The following ANGPT1 variants were observed in gnomAD, a reference collection of about 807,000 sequenced individuals.
The protein encoded by ANGPT1 is angiopoietin 1.
ANGPT1 carries 17 observed loss-of-function variants against 62.2 expected under a neutral mutation model. The ratio of observed to expected loss-of-function variants is 0.27; its 90% CI spans 0.19 to 0.41. The LOEUF (loss-of-function observed/expected upper bound fraction) is 0.41. Among genes scored for constraint, ANGPT1 ranks in the 10% least tolerant of loss-of-function variants. The probability of loss-of-function intolerance (pLI) is 1.00; values close to 1 mark genes in which losing one functional copy is unlikely to be tolerated. For synonymous variants in ANGPT1, 199 were observed against 198.9 expected (o/e 1.00, Z 0.00); for missense variants, 478 against 594.9 (o/e 0.80, Z 2.04).
At chr8:107,453,763 G>C (rs1008812046) in intron 1 of ANGPT1, among the ~76,000 whole-genome samples, 1 of 151,958 alleles carries the variant, frequency 6.6e-6, no homozygotes, top group Admixed American at 6.6e-5. Flanking sequence ...ATGCTCAACA[G>C]TAGATGATTG....
At chr8:107,422,528 T>C (rs1381339211) in intron 1 of ANGPT1, among the ~76,000 whole-genome samples, 1 of 152,170 alleles carries the variant, frequency 6.6e-6, no homozygotes, top group African/African-American at 2.4e-5. Context: ...CTGATACTAA[T>C]CTTGTTTCCT....
Position 107,336,199 on chromosome 8 carries a change from G to A in ANGPT1, c.526C>T (p.Gln176Ter). The A allele has an allele frequency of 1.9e-6, 3 of 1,609,142 alleles. No homozygotes were observed. The highest frequency in any genetic ancestry group is 2.5e-6 in the Non-Finnish European group (3 of 1,178,466). The change falls in exon 3 of 9, where the codon CAA (glutamine) becomes TAA (stop). Residue 176 changes from glutamine (Q) to a stop codon, truncating the protein, a stop_gained. Coordinates refer to ENST00000517746, the MANE Select transcript of ANGPT1 (RefSeq NM_001146.5). LOFTEE classifies it high-confidence loss of function. Reference protein sequence around the residue: ...NSLSTYKLEKQLLQQTNEILK... With the variant: ...NSLSTYKLEK ...ATTTCATTTGTCTGTTGAAGAAGTT[G>A]CTTCTCTAGCTTGTAGGTGGATAAT...
At chr8:107,261,931 A>C (rs1586167604) in intron 8 of ANGPT1, among the ~76,000 whole-genome samples, 1 of 151,984 alleles carries the variant, frequency 6.6e-6, no homozygotes. Flanking sequence ...GTGGTGGCTC[A>C]TGCCTGTAAT....
chr8:107,311,593 T>C (rs1156289511), intron 4 of ANGPT1, among the ~76,000 whole-genome samples: 2 of 152,234 alleles, frequency 1.3e-5, no homozygotes, highest in African/African-American at 2.4e-5. Flanking sequence ...GTCATAAGTG[T>C]AGCTCTAATT....
intron 1 of ANGPT1, among the ~76,000 whole-genome samples, chr8:107,404,513 T>C (rs1025940429): frequency 6.6e-6 from 1 of 152,148 alleles, no homozygotes. Context: ...AGATCATATG[T>C]ATTGGACATC....
At chr8:107,397,431 A>G (rs998285871) in intron 1 of ANGPT1, among the ~76,000 whole-genome samples, 3 of 133,344 alleles carry the variant, frequency 2.2e-5, no homozygotes, top group Non-Finnish European at 5.1e-5. Context: ...TTTCCCCTCA[A>G]AAATGTTGCT....
At position 107,427,122 on chromosome 8, in the gene ANGPT1, A is replaced by T. The variant is rs909913799; in HGVS notation, c.297+70140T>A. On this transcript the variant is annotated intron_variant, in intron 1 of 8. Transcript: ENST00000517746. ...CTTTTCCTGATTCTGATTTTAAAAC[A>T]TCACTTAGCCTGGGATATAGTGGGC... Among the ~76,000 whole-genome samples the T allele has an allele frequency of 2.0e-5, 3 of 152,324 alleles. No individual in the cohort carries two copies. The East Asian group carries it at 5.8e-4, about 29-fold the overall frequency.
At chr8:107,402,066 G>A (rs1431895709) in intron 1 of ANGPT1, among the ~76,000 whole-genome samples, 1 of 152,126 alleles carries the variant, frequency 6.6e-6, no homozygotes, top group Non-Finnish European at 1.5e-5. Flanking sequence ...TTAATGTCTG[G>A]GGTGATAAAG....
At chr8:107,273,477 T>C (rs1813787938) in intron 7 of ANGPT1, among the ~76,000 whole-genome samples, 1 of 151,950 alleles carries the variant, frequency 6.6e-6, no homozygotes, top group Admixed American at 6.6e-5. Flanking sequence ...GAGTCGAAAA[T>C]CTTTGTCATG....
intron 1 of ANGPT1, among the ~76,000 whole-genome samples, chr8:107,370,195 A>AAAAGAAAGAAAGAAAGAAAGAAAGAAAG (rs35083108): frequency 1.1e-5 from 1 of 93,340 alleles, no homozygotes. Flanking sequence ...AAGAAAGAAA[A>AAAAGAAAGAAAGAAAGAAAGAAAGAAAG]AAAGAAAGAA....
chr8:107,275,179 T>A (rs1179138241), intron 7 of ANGPT1, among the ~76,000 whole-genome samples: 1 of 152,012 alleles, frequency 6.6e-6, no homozygotes, highest in East Asian at 1.9e-4. Context: ...AAATATTGAG[T>A]GTGAAAAAAT....
chr8:107,497,199 G>C, intron 1 of ANGPT1, 63 bp downstream of exon 1: 2 of 1,543,126 alleles, frequency 1.3e-6, no homozygotes, highest in Non-Finnish European at 1.8e-6. Context: ...GGAACTTTAA[G>C]TTAGCTGCAG....
chr8:107,485,127 C>A (rs1426581335), intron 1 of ANGPT1, among the ~76,000 whole-genome samples: 1 of 152,162 alleles, frequency 6.6e-6, no homozygotes, highest in Non-Finnish European at 1.5e-5. Context: ...ACAGTGGCCC[C>A]CAAACAGCTT....
chr8:107,467,706 C>T (rs1054898953), intron 1 of ANGPT1, among the ~76,000 whole-genome samples: 1 of 151,944 alleles, frequency 6.6e-6, no homozygotes, highest in Admixed American at 6.6e-5. Context: ...GTAAAATTGA[C>T]CACACAATGG....
At chr8:107,470,552 T>A (rs181218618) in intron 1 of ANGPT1, among the ~76,000 whole-genome samples, 1 of 152,238 alleles carries the variant, frequency 6.6e-6, no homozygotes, top group East Asian at 1.9e-4. Context: ...GATGGATAGA[T>A]TGCAAAACTT....
intron 6 of ANGPT1, among the ~76,000 whole-genome samples, chr8:107,291,572 C>T (rs1456116943): frequency 1.3e-5 from 2 of 151,904 alleles, no homozygotes; most frequent in South Asian, 2.1e-4. Context: ...CCACCACACC[C>T]GGCTAATTTT....
intron 1 of ANGPT1, among the ~76,000 whole-genome samples, chr8:107,490,819 C>T (rs912848734): frequency 6.6e-6 from 1 of 152,072 alleles, no homozygotes; most frequent in Non-Finnish European, 1.5e-5. Context: ...TACAAATGCA[C>T]GGACAACATA....
chr8:107,389,296 T>C (rs983551110), intron 1 of ANGPT1, among the ~76,000 whole-genome samples: 1 of 152,202 alleles, frequency 6.6e-6, no homozygotes, highest in Admixed American at 6.6e-5. Flanking sequence ...CTACGTGCTA[T>C]GTCTGACTGC....
At chr8:107,363,462 C>G (rs1816209676) in intron 1 of ANGPT1, among the ~76,000 whole-genome samples, 1 of 152,120 alleles carries the variant, frequency 6.6e-6, no homozygotes. Context: ...ACGTGAGAAG[C>G]AGCACATGAG....
Sources: gnomAD v4.1 joint callset for allele counts (sites outside exome capture counted in the v4.1 genomes callset) on GRCh38, gnomAD v4.1.1 for gene constraint, MANE v1.5 for transcripts, NCBI Gene and HGNC (gene_info 2026-07-23, HGNC 2026-07-21) for gene names.